Variants in DTL observed in about 807,000 individuals in gnomAD.
The protein encoded by DTL is denticleless E3 ubiquitin protein ligase adapter.
A neutral mutation model predicts 87.0 loss-of-function variants in DTL; 46 were observed. The observed-to-expected ratio is 0.53, with a 90% CI of 0.42 to 0.68. The LOEUF is 0.68. Among genes scored for constraint, DTL ranks in the 30% least tolerant of loss-of-function variants. DTL has a pLI of 0.00. For synonymous variants in DTL, 308 were observed against 311.2 expected (o/e 0.99, Z 0.11); for missense variants, 737 against 869.4 (o/e 0.85, Z 1.91).
intron 3 of DTL, among the ~76,000 whole-genome samples, chr1:212,046,607 C>T (rs1165047829): frequency 6.6e-6 from 1 of 152,186 alleles, no homozygotes; most frequent in African/African-American, 2.4e-5. Flanking sequence ...CATGTCCCTG[C>T]AAAGGACATG....
At chr1:212,059,798 A>C (rs1199391753) in intron 5 of DTL, among the ~76,000 whole-genome samples, 11 of 136,084 alleles carry the variant, frequency 8.1e-5, no homozygotes, top group Admixed American at 1.5e-4. Context: ...AAAAAAAAAA[A>C]AAAAACCTCA....
At chr1:212,078,932 T>C (rs1654912924) in intron 12 of DTL, among the ~76,000 whole-genome samples, 1 of 152,196 alleles carries the variant, frequency 6.6e-6, no homozygotes, top group African/African-American at 2.4e-5. Flanking sequence ...GCCTCTGGTC[T>C]TTGAGTTATT....
chr1:212,091,009 C>T (rs1035605013), intron 13 of DTL, among the ~76,000 whole-genome samples: 12 of 152,164 alleles, frequency 7.9e-5, no homozygotes, highest in African/African-American at 2.9e-4. Flanking sequence ...CTAATGGCAG[C>T]GTTAAATGTG....
chr1:212,089,092 CAAAG>C (rs763355524), intron 13 of DTL, among the ~76,000 whole-genome samples: 8 of 152,154 alleles, frequency 5.3e-5, no homozygotes, highest in African/African-American at 1.7e-4. Context: ...TCTCAAAAAA[CAAAG>C]AAAGAAGCTG....
At chr1:212,087,529 G>A (rs1341608447) in intron 13 of DTL, among the ~76,000 whole-genome samples, 15 of 150,934 alleles carry the variant, frequency 9.9e-5, no homozygotes, top group African/African-American at 2.9e-4. Context: ...CAGCCTGAGC[G>A]ACAGATCAAA....
At chr1:212,086,305 TAAAAG>T (rs1448482716) in intron 13 of DTL, among the ~76,000 whole-genome samples, 1 of 152,098 alleles carries the variant, frequency 6.6e-6, no homozygotes, top group East Asian at 1.9e-4. Context: ...TTAGAAAATA[TAAAAG>T]AAAAGAATCA....
chr1:212,080,548 C>G, intron 12 of DTL, 67 bp from the exon 13 acceptor site: 2 of 1,504,102 alleles, frequency 1.3e-6, no homozygotes, highest in Non-Finnish European at 1.8e-6. Flanking sequence ...TAAGACACAC[C>G]TGTTTTTTAA....
Position 212,047,618 on chromosome 1 carries a change from C to T in DTL, c.460+201C>T, listed in dbSNP as rs573470153. On this transcript the variant is annotated intron_variant, in intron 5 of 14. Coordinates refer to ENST00000366991, the MANE Select transcript of DTL (RefSeq NM_016448.4). ...CGCCATCTCGGCTCACTGCTACCTCCGCTGCCTCCCAGGTTCAAGTGATTC... is the reference window on the plus strand; with the variant it reads ...CGCCATCTCGGCTCACTGCTACCTCTGCTGCCTCCCAGGTTCAAGTGATTC... Among the ~76,000 whole-genome samples, 4 of 152,286 alleles carry T rather than the reference C, an allele frequency of 2.6e-5. No homozygotes were observed. In the East Asian group the frequency reaches 5.8e-4, roughly 22 times the overall value.
chr1:212,072,560 G>A (rs544067262), intron 11 of DTL, among the ~76,000 whole-genome samples: 3 of 152,080 alleles, frequency 2.0e-5, no homozygotes, highest in Admixed American at 6.5e-5. Flanking sequence ...TCAAACTCTC[G>A]TTCAGAATAC....
intron 5 of DTL, among the ~76,000 whole-genome samples, chr1:212,049,235 T>C (rs940240894): frequency 6.6e-6 from 1 of 152,202 alleles, no homozygotes; most frequent in Non-Finnish European, 1.5e-5. Context: ...GCTTGGACTT[T>C]TAAGAAAGTC....
chr1:212,100,157 A>T, intron 13 of DTL, 95 bp from the exon 14 acceptor site: 2 of 891,186 alleles, frequency 2.2e-6, no homozygotes, highest in Non-Finnish European at 1.7e-6. Context: ...ATTGACCCTT[A>T]GATGATTAGG....
At chr1:212,065,670 A>G (rs746042855) in intron 7 of DTL, among the ~76,000 whole-genome samples, 1 of 152,226 alleles carries the variant, frequency 6.6e-6, no homozygotes, top group Non-Finnish European at 1.5e-5. Context: ...CTAAGGGGAA[A>G]GAATACCTGT....
chr1:212,067,705 G>A (rs1654549395), intron 8 of DTL, among the ~76,000 whole-genome samples: 1 of 152,130 alleles, frequency 6.6e-6, no homozygotes, highest in African/African-American at 2.4e-5. Flanking sequence ...TCATTTCATA[G>A]CAGGTCTGTG....
At chr1:212,043,205 C>T in intron 2 of DTL, 87 bp downstream of exon 2, 2 of 1,324,980 alleles carry the variant, frequency 1.5e-6, no homozygotes, top group Non-Finnish European at 2.0e-6. Context: ...ATTTCCCTTT[C>T]AAAGAAAAGT....
At chr1:212,050,473 T>C (rs1174510858) in intron 5 of DTL, among the ~76,000 whole-genome samples, 1 of 152,224 alleles carries the variant, frequency 6.6e-6, no homozygotes, top group African/African-American at 2.4e-5. Context: ...TATAAATTTA[T>C]TTCCTCTCCT....
chr1:212,085,713 C>T (rs931220569), intron 13 of DTL, among the ~76,000 whole-genome samples: 22 of 152,142 alleles, frequency 1.4e-4, no homozygotes, highest in Non-Finnish European at 2.9e-4. Context: ...GAAACTATTG[C>T]CTCTTCTGAG....
chr1:212,040,733 A>G (rs1217985405), intron 1 of DTL, among the ~76,000 whole-genome samples: 3 of 152,232 alleles, frequency 2.0e-5, no homozygotes, highest in African/African-American at 4.8e-5. Context: ...TATGTGACAG[A>G]CACAGCAGCT....
At chr1:212,042,159 T>C (rs895517697) in intron 1 of DTL, among the ~76,000 whole-genome samples, 1 of 152,200 alleles carries the variant, frequency 6.6e-6, no homozygotes, top group Admixed American at 6.5e-5. Context: ...TGAATGAATG[T>C]TTATTTTATA....
chr1:212,039,938 CATT>C (rs1261606311), intron 1 of DTL, among the ~76,000 whole-genome samples: 1 of 152,154 alleles, frequency 6.6e-6, no homozygotes, highest in Non-Finnish European at 1.5e-5. Flanking sequence ...AGACCTGGGA[CATT>C]ATACTACTGT....
Sources: gnomAD v4.1 joint callset for allele counts (sites outside exome capture counted in the v4.1 genomes callset) on GRCh38, gnomAD v4.1.1 for gene constraint, MANE v1.5 for transcripts, NCBI Gene and HGNC (gene_info 2026-07-23, HGNC 2026-07-21) for gene names.